RC3H2: variants seen among roughly 807,000 people sequenced by gnomAD.
The protein encoded by RC3H2 is roquin-2.
Under a neutral mutation model 133.3 loss-of-function variants are expected in RC3H2, and 31 were observed. That is an observed-to-expected ratio of 0.23 (90% CI 0.17 to 0.31). The LOEUF (loss-of-function observed/expected upper bound fraction) is 0.31, where lower values mean the gene tolerates loss of function less well. Among genes scored for constraint, RC3H2 ranks in the 10% least tolerant of loss-of-function variants. The probability of loss-of-function intolerance (pLI) is 1.00; values close to 1 mark genes in which losing one functional copy is unlikely to be tolerated. For missense variants in RC3H2, 1,175 were observed against 1,437.2 expected (o/e 0.82, Z 2.95); for synonymous variants, 517 against 502.2 (o/e 1.03, Z -0.40).
intron 7 of RC3H2, 52 bp downstream of exon 7, chr9:122,879,941 T>C (rs377157832): frequency 6.2e-7 from 1 of 1,612,094 alleles, no homozygotes; most frequent in South Asian, 1.1e-5. Flanking sequence ...TCTTGTGTTA[T>C]TCACCTCAAA....
chr9:122,859,800 G>A (rs1239756587), intron 11 of RC3H2, 117 bp downstream of exon 11: 6 of 859,182 alleles, frequency 7.0e-6, no homozygotes, highest in South Asian at 1.7e-5. Context: ...AAAAACTTAT[G>A]AGTCACATAG....
intron 9 of RC3H2, among the ~76,000 whole-genome samples, chr9:122,867,205 G>A (rs369901844): frequency 1.0e-4 from 13 of 127,468 alleles, no homozygotes; most frequent in East Asian, 4.5e-4. Context: ...GTCTCCGCCC[G>A]GCAGCCACCC....
At chr9:122,869,873 A>T (rs1168019322) in intron 9 of RC3H2, among the ~76,000 whole-genome samples, 1 of 152,136 alleles carries the variant, frequency 6.6e-6, no homozygotes, top group Non-Finnish European at 1.5e-5. Context: ...CCTGGCCAAC[A>T]TCATCTTATA....
intron 13 of RC3H2, 82 bp from the exon 14 acceptor site, chr9:122,855,960 A>G (rs771958025): frequency 4.4e-6 from 5 of 1,131,446 alleles, no homozygotes; most frequent in Non-Finnish European, 6.1e-6. Flanking sequence ...TAACTATTAT[A>G]GAATTCAGAG....
At chr9:122,852,892 T>C (rs1355711124) in intron 18 of RC3H2, among the ~76,000 whole-genome samples, 1 of 152,090 alleles carries the variant, frequency 6.6e-6, no homozygotes, top group Admixed American at 6.5e-5. Context: ...GCCCAACAGC[T>C]CATTGAGAAC....
intron 10 of RC3H2, among the ~76,000 whole-genome samples, chr9:122,863,732 TGTAAAA>T (rs1175415679): frequency 6.6e-6 from 1 of 152,178 alleles, no homozygotes; most frequent in Non-Finnish European, 1.5e-5. Context: ...CAGGGAAGAT[TGTAAAA>T]GTCCTTTTTT....
At position 122,865,479 on chromosome 9, in the gene RC3H2, T is replaced by C. The variant is rs773933036; in HGVS notation, c.1504A>G (p.Ser502Gly). The change falls in exon 10 of 21, where the codon AGT becomes GGT. Residue 502 changes from serine to glycine, a missense_variant. Transcript: ENST00000357244. ...STNGISNAENSVSQLISRSTD... is the reference protein window; with the variant it reads ...STNGISNAENGVSQLISRSTD... The stretch of plus-strand genomic sequence containing the variant: ...CTACGTGAGATTAGCTGGGAAACAC[T>C]GTTTTCTGCATTTGAAATTCCGTTT... 6.2e-7 allele frequency: 1 copy of C among 1,614,212 alleles called. No individual in the cohort carries two copies. The highest frequency in any genetic ancestry group is 1.7e-5 in the Admixed American group (1 of 60,022).
At chr9:122,858,286 T>C (rs1189597969) in intron 12 of RC3H2, among the ~76,000 whole-genome samples, 193 bp from the exon 13 acceptor site, 1 of 152,248 alleles carries the variant, frequency 6.6e-6, no homozygotes, top group Non-Finnish European at 1.5e-5. Flanking sequence ...AAACGCAGAA[T>C]CTGAGCACTC....
At chr9:122,904,901 C>A (rs1053373977) in intron 1 of RC3H2, among the ~76,000 whole-genome samples, 2 of 152,178 alleles carry the variant, frequency 1.3e-5, no homozygotes, top group Admixed American at 6.5e-5. Context: ...GCCGGTCGCT[C>A]CGCATCGAAA....
intron 4 of RC3H2, among the ~76,000 whole-genome samples, chr9:122,887,217 T>C (rs903004569): frequency 6.6e-6 from 1 of 152,210 alleles, no homozygotes; most frequent in African/African-American, 2.4e-5. Flanking sequence ...ATTATTAGTT[T>C]GAATTCAGCT....
At chr9:122,901,751 C>A (rs1832659209) in intron 1 of RC3H2, among the ~76,000 whole-genome samples, 1 of 150,248 alleles carries the variant, frequency 6.7e-6, no homozygotes, top group Admixed American at 6.7e-5. Context: ...ACCACCATGC[C>A]CGGTTAATTT....
Position 122,892,976 on chromosome 9 carries a change from G to A in RC3H2, c.282C>T (p.His94=). 1 of 1,610,784 alleles carries A rather than the reference G, an allele frequency of 6.2e-7. No individual in the cohort carries two copies. The highest frequency in any genetic ancestry group is 8.5e-7 in the Non-Finnish European group (1 of 1,179,534). Residue 94 remains histidine, a synonymous_variant, in exon 3 of 21, where the codon CAC becomes CAT. Coordinates refer to ENST00000357244, the MANE Select transcript of RC3H2 (RefSeq NM_001100588.3). ...CAACGCATTTCTTTGCAACCTCATA[G>A]TGTTTATTCTCACCTAGATTACTTA... ...IKLSNLGENK[H]YEVAKKCVED... is the part of the protein sequence containing the mutation.
chr9:122,892,979 T>C lies in RC3H2; in HGVS notation c.279A>G (p.Lys93=). 1.2e-6 allele frequency: 2 copies of C among 1,612,752 alleles called. No individual in the cohort carries two copies. Among genetic ancestry groups the C allele is most frequent in the Non-Finnish European group, 1.7e-6 (2 of 1,179,918 alleles). ...SIKLSNLGEN[K]HYEVAKKCVE... ...CGCATTTCTTTGCAACCTCATAGTG[T>C]TTATTCTCACCTAGATTACTTAACT... Residue 93 remains lysine (K), a synonymous_variant, in exon 3 of 21, where the codon AAA becomes AAG. Transcript: ENST00000357244.
Position 122,854,284 on chromosome 9 carries a change from T to C in RC3H2, c.2901-18A>G, listed in dbSNP as rs1330528653. 8 of 1,582,426 alleles carry C rather than the reference T, an allele frequency of 5.1e-6. No homozygotes were observed. Among genetic ancestry groups the C allele is most frequent in the African/African-American group, 1.4e-5 (1 of 74,060 alleles). Reference sequence around the variant, plus strand: ...ATCTGTCCCTTTAAAGAGAAATATGTTTATTGTAATAAAAGTGAAGTGAAT... The same window carrying C: ...ATCTGTCCCTTTAAAGAGAAATATGCTTATTGTAATAAAAGTGAAGTGAAT... On this transcript the variant is annotated intron_variant, in intron 16 of 20. Coordinates refer to ENST00000357244, the MANE Select transcript of RC3H2 (RefSeq NM_001100588.3).
chr9:122,904,866 G>C (rs746416637), intron 1 of RC3H2, among the ~76,000 whole-genome samples: 11 of 152,230 alleles, frequency 7.2e-5, no homozygotes, highest in Non-Finnish European at 1.6e-4. Context: ...CGCTCGGCCA[G>C]TGTCGAAGGA....
At chr9:122,892,804 G>A (rs1832242589) in intron 3 of RC3H2, 105 bp downstream of exon 3, 1 of 825,584 alleles carries the variant, frequency 1.2e-6, no homozygotes, top group Non-Finnish European at 1.9e-6. Context: ...CATTTCTCAA[G>A]CAAACTCCTT....
chr9:122,883,385 A>G lies in RC3H2; in HGVS notation c.584-6T>C. The stretch of plus-strand genomic sequence containing the variant: ...CAAGGCCTCTTCTTGCATAGCTAAA[A>G]ATATTAAAGGAACATGAGTTCATGA... On this transcript the variant is annotated splice_region_variant and splice_polypyrimidine_tract_variant and intron_variant, in intron 4 of 20. Coordinates refer to ENST00000357244, the MANE Select transcript of RC3H2 (RefSeq NM_001100588.3). 1 of 1,589,604 alleles carries G rather than the reference A, an allele frequency of 6.3e-7. No individual in the cohort carries two copies. Among genetic ancestry groups the G allele is most frequent in the Non-Finnish European group, 8.5e-7 (1 of 1,171,726 alleles).
chr9:122,849,766 A>C lies in RC3H2; in HGVS notation c.3437T>G (p.Val1146Gly). Reference sequence around the variant, plus strand: ...GAGGCAACTTGCATTGCTAATAGACACTGGGAGTGGCTGGCTAAAGCAAGA... The same window carrying C: ...GAGGCAACTTGCATTGCTAATAGACCCTGGGAGTGGCTGGCTAAAGCAAGA... ...VTSCFSQPLP[V>G]SISNASCLPI... The change falls in exon 21 of 21, where the codon GTG becomes GGG. Residue 1146 changes from valine (V) to glycine (G), a missense_variant. Val to Gly is a moderately radical substitution (Grantham distance 109). This residue lies in a region of RC3H2 where 220 missense variants were observed against 201.1 expected (regional missense o/e 1.09). Transcript: ENST00000357244. 1 of 1,598,840 alleles carries C rather than the reference A, an allele frequency of 6.3e-7. No homozygotes were observed. The highest frequency in any genetic ancestry group is 8.5e-7 in the Non-Finnish European group (1 of 1,173,164).
intron 10 of RC3H2, among the ~76,000 whole-genome samples, chr9:122,861,558 T>C (rs2131400027): frequency 6.6e-6 from 1 of 151,712 alleles, no homozygotes; most frequent in African/African-American, 2.4e-5. Context: ...GTCAGCTGGA[T>C]TTGTAGCTAT....
Sources: allele counts gnomAD v4.1 joint callset (sites outside exome capture counted in the v4.1 genomes callset), GRCh38; gene constraint gnomAD v4.1.1; regional missense constraint gnomAD v4.1.1; transcripts MANE v1.5; gene names NCBI Gene and HGNC (gene_info 2026-07-23, HGNC 2026-07-21).